The following RHOT2 variants were observed in gnomAD, a reference collection of about 807,000 sequenced individuals.
The protein encoded by RHOT2 is mitochondrial Rho GTPase 2.
RHOT2 carries 90 observed loss-of-function variants against 81.6 expected under a neutral mutation model. The ratio of observed to expected loss-of-function variants is 1.10; its 90% CI spans 0.93 to 1.31. The LOEUF is 1.31. RHOT2 is among the 40% of genes most tolerant of loss of function. The pLI is 0.00. For synonymous variants in RHOT2, 512 were observed against 370.9 expected (o/e 1.38, Z -4.37); for missense variants, 1,014 against 841.9 (o/e 1.20, Z -2.53).
rs760337896 is a variant in RHOT2, at chr16:671,872, G to A, written c.967G>A (p.Ala323Thr). Residue 323 changes from alanine (A) to threonine (T), a missense_variant, in exon 13 of 19, where the codon GCC (alanine) becomes ACC (threonine). Ala to Thr is a moderately conservative substitution (Grantham distance 58). Coordinates refer to ENST00000315082, the MANE Select transcript of RHOT2 (RefSeq NM_138769.3). ...FEKHDQDRDG[A>T]LSPVELQSLF... is the part of the protein sequence containing the mutation. ...CCTCCTTCTGCAGGACCGCGACGGC[G>A]CCCTCTCGCCCGTGGAGCTGCAAAG... The A allele has an allele frequency of 1.4e-5, 21 of 1,540,314 alleles. No individual in the cohort carries two copies. Among genetic ancestry groups the A allele is most frequent in the South Asian group, 4.5e-5 (4 of 89,688 alleles).
chr16:668,403 C>G lies in RHOT2; in HGVS notation c.88C>G (p.Pro30Ala). The G allele has an allele frequency of 6.7e-7, 1 of 1,490,066 alleles. No individual in the cohort carries two copies. Among genetic ancestry groups the G allele is most frequent in the Non-Finnish European group, 8.9e-7 (1 of 1,126,264 alleles). The allele number at this position is 1,490,066 out of a possible 1,614,324, so 92.3% of individuals were successfully genotyped here. A position where few individuals can be genotyped will look rare whatever the true frequency, so the allele number is the denominator to read the frequency against. Residue 30 changes from proline (P) to alanine (A), a missense_variant, in exon 2 of 19, where the codon CCC becomes GCC. By Grantham distance (27) the Pro-to-Ala change is conservative. Coordinates refer to ENST00000315082, the MANE Select transcript of RHOT2 (RefSeq NM_138769.3). ...LILSLVGEEFPEEVPPRAEEI... is the reference protein window; with the variant it reads ...LILSLVGEEFAEEVPPRAEEI... ...CCTGTCCCTGGTGGGCGAGGAGTTC[C>G]CCGAGGAGGTAAGGGGCACGCCCGC...
chr16:668,605 G>T (rs746098356), intron 3 of RHOT2, 36 bp downstream of exon 3: 135 of 1,609,566 alleles, frequency 8.4e-5, no homozygotes, highest in Middle Eastern at 1.6e-4. Context: ...CCGGCCCGCA[G>T]CGGTCCGGCG....
Position 668,695 on chromosome 16 carries a change from A to G in RHOT2, c.218A>G (p.His73Arg), listed in dbSNP as rs1254355315. 1.2e-6 allele frequency: 2 copies of G among 1,601,090 alleles called. No individual in the cohort carries two copies. The highest frequency in any genetic ancestry group is 1.7e-4 in the Middle Eastern group (1 of 6,012). The change falls in exon 4 of 19, where the codon CAC (histidine) becomes CGC (arginine). Residue 73 changes from histidine (H) to arginine (R), a missense_variant. Transcript: ENST00000315082. The part of the protein sequence containing the change: ...QTDEELREEI[H>R]KANVVCVVYD... ...GACGAGGAGCTGCGGGAGGAGATCC[A>G]CAAGGTACCCGTGGTGCGCGGGACG...
intron 11 of RHOT2, chr16:671,453 GT>G: frequency 1.4e-6 from 1 of 713,016 alleles, no homozygotes; most frequent in Non-Finnish European, 2.2e-6. Flanking sequence ...CGCGTGGCTT[GT>G]TTACCCTGCT....
chr16:671,810 G>GGCCCCGGCCCCCCC, intron 12 of RHOT2, 29 bp downstream of exon 12: 4 of 1,586,214 alleles, frequency 2.5e-6, no homozygotes, highest in East Asian at 2.3e-5. Context: ...CCCTGCCCCT[G>GGCCCCGGCCCCCCC]CCCCCGCCCC....
chr16:671,200 C>A lies in RHOT2; in HGVS notation c.866C>A (p.Pro289His). The change falls in exon 11 of 19, where the codon CCT (proline) becomes CAT (histidine). Residue 289 changes from proline to histidine, a missense_variant. Pro to His is a moderately conservative substitution (Grantham distance 77, BLOSUM62 -2). Coordinates refer to ENST00000315082, the MANE Select transcript of RHOT2 (RefSeq NM_138769.3). ...ALELTADYLS[P>H]LIHVPPGCST... ...GAGCTGACTGCGGACTATCTCTCCC[C>A]TCTGTGAGTGATGCCGGGGCTTGAG... 3 of 1,549,534 alleles carry A rather than the reference C, an allele frequency of 1.9e-6. No individual in the cohort carries two copies. The highest frequency in any genetic ancestry group is 2.6e-6 in the Non-Finnish European group (3 of 1,146,280).
rs376703464 is a variant in RHOT2 at position 672,102 on chromosome 16, C to T, written c.1116C>T (p.Asp372=). ...LCQWTLVTYL[D]VRSCLGHLGY... ...CCCCCAGCCTGGTGACCTACCTGGA[C>T]GTCCGGAGCTGCCTTGGACACCTAG... The change falls in exon 14 of 19, where the codon GAC becomes GAT. Residue 372 remains aspartate, a synonymous_variant. Coordinates refer to ENST00000315082, the MANE Select transcript of RHOT2 (RefSeq NM_138769.3). The T allele has an allele frequency of 6.8e-6, 11 of 1,612,532 alleles. No individual in the cohort carries two copies. The highest frequency in any genetic ancestry group is 3.3e-5 in the South Asian group (3 of 91,082).
In RHOT2 at chr16:672,926, A is replaced by G. The variant is rs1264382699; in HGVS notation, c.1528-2A>G. 6.2e-7 allele frequency: 1 copy of G among 1,612,676 alleles called. No individual in the cohort carries two copies. Among genetic ancestry groups the G allele is most frequent in the Non-Finnish European group, 8.5e-7 (1 of 1,179,990 alleles). On this transcript the variant is annotated splice_acceptor_variant, in intron 17 of 18. Transcript: ENST00000315082. LOFTEE classifies it high-confidence loss of function. ...GTACCTCATACCACTCTCTGCCCACAGCACCATTACATGGACGGGCAGACC... is the reference window on the plus strand; with the variant it reads ...GTACCTCATACCACTCTCTGCCCACGGCACCATTACATGGACGGGCAGACC...
chr16:670,669 C>G lies in RHOT2; in HGVS notation c.541-6C>G. 2 of 1,612,006 alleles carry G rather than the reference C, an allele frequency of 1.2e-6. No homozygotes were observed. The highest frequency in any genetic ancestry group is 1.1e-5 in the South Asian group (1 of 91,084). On this transcript the variant is annotated splice_polypyrimidine_tract_variant and splice_region_variant and intron_variant, in intron 8 of 18. Transcript: ENST00000315082. ...ACCTGAGGGTGCTGAGCCAACATCC[C>G]CACAGTTGAGGCCCGCGTGCGCCCA... is the stretch of plus-strand genomic sequence containing the variant.
chr16:673,405 G>A lies in RHOT2; in HGVS notation c.1731-75G>A, dbSNP rs2039292015. On this transcript the variant is annotated intron_variant, in intron 18 of 18. Coordinates refer to ENST00000315082, the MANE Select transcript of RHOT2 (RefSeq NM_138769.3). ...CGCCTGTGGGGCCCTGTGAGTCCAGGACATGGGAGGGTGCCCAGCAGCAAG... is the reference window on the plus strand; with the variant it reads ...CGCCTGTGGGGCCCTGTGAGTCCAGAACATGGGAGGGTGCCCAGCAGCAAG... 5 of 1,602,344 alleles carry A rather than the reference G, an allele frequency of 3.1e-6. No individual in the cohort carries two copies. The Admixed American group carries it at 6.7e-5, about 22-fold the overall frequency.
In RHOT2 at chr16:668,961, C is replaced by T. The variant is rs778221325; in HGVS notation, c.222+262C>T. 1.9e-5 allele frequency: 10 copies of T among 530,960 alleles called. No homozygotes were observed. The Admixed American group carries it at 2.3e-4, about 12-fold the overall frequency. 32.9% of individuals were successfully genotyped at this position (530,960 alleles called of 1,614,324 possible). ...TGCCGGGGTGGCAGCAGCGTTTGCT[C>T]TTCCTGTGGGCTCTGTGTGCGCCAC... On this transcript the variant is annotated intron_variant, in intron 4 of 18. Coordinates refer to ENST00000315082, the MANE Select transcript of RHOT2 (RefSeq NM_138769.3).
Position 671,216 on chromosome 16 carries a change from G to T in RHOT2, c.869+13G>T. On this transcript the variant is annotated intron_variant, in intron 11 of 18. Transcript: ENST00000315082. The stretch of plus-strand genomic sequence containing the variant: ...ATCTCTCCCCTCTGTGAGTGATGCC[G>T]GGGCTTGAGGCCTGCCCTCCCCGAG... 6.5e-7 allele frequency: 1 copy of T among 1,532,716 alleles called. No individual in the cohort carries two copies. The highest frequency in any genetic ancestry group is 1.2e-5 in the South Asian group (1 of 80,974). The allele number at this position is 1,532,716 out of a possible 1,614,324, so 94.9% of individuals were successfully genotyped here.
intron 7 of RHOT2, 34 bp downstream of exon 7, chr16:670,391 T>G: frequency 1.9e-6 from 3 of 1,610,260 alleles, no homozygotes; most frequent in Non-Finnish European, 1.7e-6. Context: ...GCCTCCTTCA[T>G]TCCTTGTGTT....
chr16:673,687 G>A lies in RHOT2; in HGVS notation c.*81G>A. 6.6e-7 allele frequency: 1 copy of A among 1,518,098 alleles called. No homozygotes were observed. The highest frequency in any genetic ancestry group is 2.4e-4 in the Middle Eastern group (1 of 4,088). 94.0% of individuals were successfully genotyped at this position (1,518,098 alleles called of 1,614,324 possible). A position where few individuals can be genotyped will look rare whatever the true frequency, so the allele number is the denominator to read the frequency against. ...TCTGCAGGGGCAGCACAGCTGGGGT[G>A]CAGGCCAGGCTGCCACTCCGGGAAC... On this transcript the variant is annotated 3_prime_UTR_variant, in exon 19 of 19. Coordinates refer to ENST00000315082, the MANE Select transcript of RHOT2 (RefSeq NM_138769.3).
At position 670,818 on chromosome 16, in the gene RHOT2, C is replaced by A. The variant is rs534579116; in HGVS notation, c.639+45C>A. 7 of 1,605,034 alleles carry A rather than the reference C, an allele frequency of 4.4e-6. No homozygotes were observed. The Admixed American group carries it at 1.2e-4, about 27-fold the overall frequency. ...TCGGTGCCCAGCCCCCTTGAACCTC[C>A]GCTGCCGTTAGTGACTGGAACGGGT... On this transcript the variant is annotated intron_variant, in intron 9 of 18. Transcript: ENST00000315082.
intron 16 of RHOT2, 46 bp from the exon 17 acceptor site, chr16:672,657 G>T (rs752789614): frequency 3.7e-6 from 6 of 1,611,302 alleles, no homozygotes; most frequent in South Asian, 3.3e-5. Flanking sequence ...TGGCCCTAGG[G>T]GGACCGAGCC....
chr16:670,463 C>A lies in RHOT2; in HGVS notation c.446C>A (p.Ala149Asp). 1 of 1,605,586 alleles carries A rather than the reference C, an allele frequency of 6.2e-7. No homozygotes were observed. The highest frequency in any genetic ancestry group is 8.5e-7 in the Non-Finnish European group (1 of 1,176,048). The change falls in exon 8 of 19, where the codon GCC becomes GAC. Residue 149 changes from alanine to aspartate, a missense_variant. Physicochemically the swap from Ala to Asp is moderately radical, Grantham distance 126 (BLOSUM62 -2). Coordinates refer to ENST00000315082, the MANE Select transcript of RHOT2 (RefSeq NM_138769.3). ...CTGTTCCCACTTTCCCAGTGTTCGG[C>A]CAAGAACCTGAGGAACATCTCAGAG... ...PEIETCVECS[A>D]KNLRNISELF...
In RHOT2 at chr16:672,956, G is replaced by A; in HGVS notation, c.1556G>A (p.Cys519Tyr). ...KHHYMDGQTP[C>Y]LFVSSKADLP... ...CATTACATGGACGGGCAGACCCCCT[G>A]CCTCTTTGTCTCCTCCAAGGCCGAC... Residue 519 changes from cysteine to tyrosine, a missense_variant, in exon 18 of 19, where the codon TGC (cysteine) becomes TAC (tyrosine). Cys to Tyr is a radical substitution (Grantham distance 194). Transcript: ENST00000315082. 6.2e-7 allele frequency: 1 copy of A among 1,612,792 alleles called. No homozygotes were observed. The highest frequency in any genetic ancestry group is 8.5e-7 in the Non-Finnish European group (1 of 1,179,996).
chr16:671,185 C>T lies in RHOT2; in HGVS notation c.851C>T (p.Ala284Val), dbSNP rs374478062. 1.3e-5 allele frequency: 20 copies of T among 1,567,278 alleles called. No homozygotes were observed. The highest frequency in any genetic ancestry group is 1.7e-4 in the Middle Eastern group (1 of 5,856). The change falls in exon 11 of 19, where the codon GCG becomes GTG. Residue 284 changes from alanine to valine, a missense_variant. Transcript: ENST00000315082. ...TACAGCGATGCCCTGGAGCTGACTGCGGACTATCTCTCCCCTCTGTGAGTG... is the reference window on the plus strand; with the variant it reads ...TACAGCGATGCCCTGGAGCTGACTGTGGACTATCTCTCCCCTCTGTGAGTG... Reference protein sequence around the residue: ...FGYSDALELTADYLSPLIHVP... With the variant: ...FGYSDALELTVDYLSPLIHVP...
Sources: gnomAD v4.1 joint callset for allele counts on GRCh38, gnomAD v4.1.1 for gene constraint, MANE v1.5 for transcripts, NCBI Gene and HGNC (gene_info 2026-07-23, HGNC 2026-07-21) for gene names.